KCTD8: variants seen among roughly 807,000 people sequenced by gnomAD.
KCTD8 encodes the protein potassium channel tetramerization domain containing 8.
KCTD8 carries 27 observed loss-of-function variants against 31.5 expected under a neutral mutation model. That is an observed-to-expected ratio of 0.86 (90% CI 0.63 to 1.18). The LOEUF (loss-of-function observed/expected upper bound fraction) is 1.18. Among genes scored for constraint, KCTD8 ranks in the 50% most tolerant of loss-of-function variants. The pLI, the probability that KCTD8 is intolerant of heterozygous loss-of-function variation, is 0.00. For synonymous variants in KCTD8, 290 were observed against 280.0 expected (o/e 1.04, Z -0.36); for missense variants, 658 against 647.7 (o/e 1.02, Z -0.17).
chr4:44,206,337 T>C (rs894552743), intron 1 of KCTD8, among the ~76,000 whole-genome samples: 3 of 152,104 alleles, frequency 2.0e-5, no homozygotes, highest in Non-Finnish European at 4.4e-5. Flanking sequence ...GATATGGGAA[T>C]TTATGGCCAA....
intron 1 of KCTD8, among the ~76,000 whole-genome samples, chr4:44,324,058 CA>C: frequency 7.9e-6 from 1 of 126,836 alleles, no homozygotes. Context: ...AAAAAAAAAA[CA>C]AAACAAAACA....
At chr4:44,393,888 T>G (rs941835231) in intron 1 of KCTD8, among the ~76,000 whole-genome samples, 2 of 151,806 alleles carry the variant, frequency 1.3e-5, no homozygotes, top group Admixed American at 6.6e-5. Flanking sequence ...ATTAAAAAAT[T>G]AAAATATAAA....
chr4:44,292,212 T>C (rs999085226), intron 1 of KCTD8, among the ~76,000 whole-genome samples: 1 of 151,978 alleles, frequency 6.6e-6, no homozygotes, highest in African/African-American at 2.4e-5. Context: ...TGTCAAGACA[T>C]GGAATTGACC....
chr4:44,312,030 A>G (rs1717968808), intron 1 of KCTD8, among the ~76,000 whole-genome samples: 1 of 152,060 alleles, frequency 6.6e-6, no homozygotes, highest in African/African-American at 2.4e-5. Flanking sequence ...CAAGTCTCAC[A>G]TTCTTCTTTG....
intron 1 of KCTD8, among the ~76,000 whole-genome samples, chr4:44,197,758 T>C (rs1344307402): frequency 2.0e-5 from 3 of 152,066 alleles, no homozygotes; most frequent in Admixed American, 6.6e-5. Flanking sequence ...AGCCAGTGTG[T>C]CCCCCTAACC....
intron 1 of KCTD8, among the ~76,000 whole-genome samples, chr4:44,306,133 A>C (rs1340736707): frequency 6.6e-6 from 1 of 152,130 alleles, no homozygotes; most frequent in South Asian, 2.1e-4. Flanking sequence ...ACACAAGAAC[A>C]AAATCAAAGG....
chr4:44,191,571 G>A (rs1049328878), intron 1 of KCTD8, among the ~76,000 whole-genome samples: 2 of 152,048 alleles, frequency 1.3e-5, no homozygotes, highest in African/African-American at 4.8e-5. Context: ...TGTATTCCTG[G>A]GAGGAGGTCT....
intron 1 of KCTD8, among the ~76,000 whole-genome samples, chr4:44,395,834 C>CCA (rs1263976358): frequency 6.6e-6 from 1 of 152,024 alleles, no homozygotes; most frequent in African/African-American, 2.4e-5. Flanking sequence ...AGTATCAATC[C>CCA]CACTATATAG....
chr4:44,312,451 C>T (rs1232376514), intron 1 of KCTD8, among the ~76,000 whole-genome samples: 2 of 151,958 alleles, frequency 1.3e-5, no homozygotes, highest in African/African-American at 4.8e-5. Flanking sequence ...TTTTCCTTTC[C>T]ATCATTTACT....
intron 1 of KCTD8, among the ~76,000 whole-genome samples, chr4:44,303,204 G>C (rs897715335): frequency 2.6e-5 from 4 of 152,114 alleles, no homozygotes; most frequent in Non-Finnish European, 5.9e-5. Flanking sequence ...TCTCTGCCCA[G>C]CTTTGGAATC....
At chr4:44,181,398 A>G (rs139909281) in intron 1 of KCTD8, among the ~76,000 whole-genome samples, 41,748 of 151,936 alleles carry the variant, frequency 0.27, 6,107 homozygotes, top group East Asian at 0.49. Context: ...GGCGCGCACC[A>G]CCACGCCTGA....
chr4:44,437,541 A>AT (rs1424426327), intron 1 of KCTD8, among the ~76,000 whole-genome samples: 2 of 151,972 alleles, frequency 1.3e-5, no homozygotes, highest in East Asian at 1.9e-4. Context: ...TATGTTTCTG[A>AT]TTTTTTTTGA....
intron 1 of KCTD8, among the ~76,000 whole-genome samples, chr4:44,315,709 G>T (rs1287833199): frequency 6.6e-6 from 1 of 151,928 alleles, no homozygotes; most frequent in Non-Finnish European, 1.5e-5. Flanking sequence ...CCTCACATTT[G>T]ATTGATAACA....
intron 1 of KCTD8, among the ~76,000 whole-genome samples, chr4:44,244,855 G>GA (rs1560404582): frequency 6.6e-6 from 1 of 151,126 alleles, no homozygotes; most frequent in Admixed American, 6.6e-5. Flanking sequence ...TGTGGGGGGG[G>GA]GGGGGTCTTC....
intron 1 of KCTD8, among the ~76,000 whole-genome samples, chr4:44,299,949 C>G (rs1260630087): frequency 6.6e-6 from 1 of 151,756 alleles, no homozygotes; most frequent in African/African-American, 2.4e-5. Flanking sequence ...GACGGGGTTT[C>G]GCTGTGTTAG....
chr4:44,223,441 C>T (rs1714864179), intron 1 of KCTD8, among the ~76,000 whole-genome samples: 1 of 152,152 alleles, frequency 6.6e-6, no homozygotes, highest in South Asian at 2.1e-4. Flanking sequence ...GACTATTTTC[C>T]ACTCATTAAA....
chr4:44,426,649 T>C (rs561874013), intron 1 of KCTD8, among the ~76,000 whole-genome samples: 10 of 151,866 alleles, frequency 6.6e-5, no homozygotes, highest in African/African-American at 2.2e-4. Context: ...TTCAAATTGG[T>C]ATAAAAGGAA....
At chr4:44,266,196 C>T (rs1716352430) in intron 1 of KCTD8, among the ~76,000 whole-genome samples, 1 of 152,164 alleles carries the variant, frequency 6.6e-6, no homozygotes, top group Admixed American at 6.5e-5. Context: ...GCGGATCTCT[C>T]AGCAGAAACT....
At chr4:44,197,474 C>T (rs142941605) in intron 1 of KCTD8, among the ~76,000 whole-genome samples, 6 of 152,236 alleles carry the variant, frequency 3.9e-5, no homozygotes, top group Non-Finnish European at 8.8e-5. Flanking sequence ...TATGAACATG[C>T]TAAAATACAA....
Sources: allele counts gnomAD v4.1 joint callset (sites outside exome capture counted in the v4.1 genomes callset), GRCh38; gene constraint gnomAD v4.1.1; transcripts MANE v1.5; gene names NCBI Gene and HGNC (gene_info 2026-07-23, HGNC 2026-07-21).